Variants in PRLR observed in about 807,000 individuals in gnomAD.
PRLR encodes the protein prolactin receptor.
PRLR carries 13 observed loss-of-function variants against 40.2 expected under a neutral mutation model. The ratio of observed to expected loss-of-function variants is 0.32; its 90% CI spans 0.21 to 0.51. PRLR has a LOEUF of 0.51. Ranked by LOEUF, PRLR falls within the 20% of genes least tolerant of loss-of-function variation. The probability of loss-of-function intolerance (pLI) is 0.97; values close to 1 mark genes in which losing one functional copy is unlikely to be tolerated. For missense variants in PRLR, 656 were observed against 747.3 expected, an observed-to-expected ratio of 0.88 and a Z score of 1.42; for synonymous variants, 269 against 278.7, an observed-to-expected ratio of 0.97 and a Z score of 0.35.
rs1438068390 is a variant in PRLR, at chr5:35,057,613, A to T, written c.*7476T>A. 2 of 152,180 alleles carry T rather than the reference A, an allele frequency of 1.3e-5. No homozygotes were observed. Among genetic ancestry groups the T allele is most frequent in the Non-Finnish European group, 2.9e-5 (2 of 68,012 alleles). 9.4% of individuals were successfully genotyped at this position (152,180 alleles called of 1,614,324 possible). A position where few individuals can be genotyped will look rare whatever the true frequency, so the allele number is the denominator to read the frequency against. ...ACTATTGACAAAGATTTAACTACCC[A>T]TGTTGTCCCCTCAAAATAGGAGGAG... is the stretch of plus-strand genomic sequence containing the variant. On this transcript the variant is annotated 3_prime_UTR_variant, in exon 10 of 10. Transcript: ENST00000618457.
intron 2 of PRLR, among the ~76,000 whole-genome samples, chr5:35,094,291 T>C (rs1199870952): frequency 1.3e-5 from 2 of 151,750 alleles, no homozygotes; most frequent in Non-Finnish European, 2.9e-5. Flanking sequence ...ATTTCTTGAG[T>C]GTGTGTGTGT....
chr5:35,193,228 C>A (rs924988629), intron 1 of PRLR, among the ~76,000 whole-genome samples: 2 of 152,148 alleles, frequency 1.3e-5, no homozygotes, highest in African/African-American at 4.8e-5. Context: ...GGACAAGGAG[C>A]AAAATATATG....
chr5:35,108,537 G>A (rs1266790059), intron 2 of PRLR, among the ~76,000 whole-genome samples: 1 of 152,188 alleles, frequency 6.6e-6, no homozygotes, highest in Non-Finnish European at 1.5e-5. Flanking sequence ...CAAAATCAAT[G>A]TGCAAAAATC....
chr5:35,068,308 G>A (rs1323187160), intron 8 of PRLR, 23 bp from the exon 9 acceptor site: 3 of 1,588,756 alleles, frequency 1.9e-6, no homozygotes, highest in South Asian at 1.1e-5. Context: ...TCATGAGATT[G>A]GCTAAATGAC....
chr5:35,187,518 G>A (rs1014837550), intron 1 of PRLR, among the ~76,000 whole-genome samples: 3 of 152,102 alleles, frequency 2.0e-5, no homozygotes, highest in South Asian at 4.1e-4. Context: ...GAGTCAAGAC[G>A]CCAGAGTTCT....
At position 35,167,138 on chromosome 5, in the gene PRLR, C is replaced by CATCTATCTATCT. The variant is rs10524859; in HGVS notation, c.-105-49028_-105-49017dup. Reference sequence around the variant, plus strand: ...AAATAACATCAATCTGTTTGTCTATCATCTATCTATCTATCTATCTATCTA... The same window carrying CATCTATCTATCT: ...AAATAACATCAATCTGTTTGTCTATCATCTATCTATCTATCTATCTATCTATCTATCTATCTA... On this transcript the variant is annotated intron_variant, in intron 1 of 9. Transcript: ENST00000618457. 3.4e-3 allele frequency among the ~76,000 whole-genome samples: 499 copies of CATCTATCTATCT among 147,380 alleles called. 1 individual carries two copies. Among genetic ancestry groups the CATCTATCTATCT allele is most frequent in the East Asian group, 4.7e-3 (23 of 4,944 alleles).
At chr5:35,114,913 G>A (rs2111683560) in intron 2 of PRLR, among the ~76,000 whole-genome samples, 1 of 152,272 alleles carries the variant, frequency 6.6e-6, no homozygotes, top group South Asian at 2.1e-4. Context: ...TTGGAATTCG[G>A]TTCCTTCTAC....
At position 35,059,440 on chromosome 5, in the gene PRLR, TCTCTTAGACATAAA is replaced by T. The variant is rs1266503607; in HGVS notation, c.*5635_*5648del. 1.1e-4 allele frequency: 16 copies of T among 152,246 alleles called. No individual in the cohort carries two copies. Among genetic ancestry groups the T allele is most frequent in the Middle Eastern group, 6.8e-3 (2 of 294 alleles). The allele number at this position is 152,246 out of a possible 1,614,324, so 9.4% of individuals were successfully genotyped here. On this transcript the variant is annotated 3_prime_UTR_variant, in exon 10 of 10. Transcript: ENST00000618457. The stretch of plus-strand genomic sequence containing the variant: ...TGATAGTGTTTGTGAATTATGTACC[TCTCTTAGACATAAA>T]CTCTTAGACATAAACTCATAAAATC...
chr5:35,066,198 G>T, intron 9 of PRLR, 96 bp from the exon 10 acceptor site: 3 of 1,223,278 alleles, frequency 2.5e-6, no homozygotes, highest in South Asian at 3.1e-5. Context: ...GCCACAAGCA[G>T]GTGGGAAGAT....
At position 35,059,660 on chromosome 5, in the gene PRLR, C is replaced by G. The variant is rs937952710; in HGVS notation, c.*5429G>C. Reference sequence around the variant, plus strand: ...GCCATGAGGGTCCCAGACCAAAACTCACCATCCTGAAAAACAAAAGTCTGG... The same window carrying G: ...GCCATGAGGGTCCCAGACCAAAACTGACCATCCTGAAAAACAAAAGTCTGG... On this transcript the variant is annotated 3_prime_UTR_variant, in exon 10 of 10. Transcript: ENST00000618457. 1 of 152,174 alleles carries G rather than the reference C, an allele frequency of 6.6e-6. No homozygotes were observed. The highest frequency in any genetic ancestry group is 2.4e-5 in the African/African-American group (1 of 41,422). The allele number at this position is 152,174 out of a possible 1,614,324, so 9.4% of individuals were successfully genotyped here.
At chr5:35,218,266 T>C (rs1776334064) in intron 1 of PRLR, among the ~76,000 whole-genome samples, 1 of 152,122 alleles carries the variant, frequency 6.6e-6, no homozygotes, top group South Asian at 2.1e-4. Flanking sequence ...TAACATTTTT[T>C]TGAAAATTAA....
chr5:35,086,270 C>T lies in PRLR; in HGVS notation c.141G>A (p.Trp47Ter). Reference sequence around the variant, plus strand: ...GTCCTCCATCTGTCCCAGGCCTCCACCAGCAGGTGAATGTTTCCTTATTGG... The same window carrying T: ...GTCCTCCATCTGTCCCAGGCCTCCATCAGCAGGTGAATGTTTCCTTATTGG... ...RSPNKETFTC[W>*]WRPGTDGGLP... The change falls in exon 4 of 10, where the codon TGG (tryptophan) becomes TGA (stop). Residue 47 changes from tryptophan (W) to a stop codon, truncating the protein, a stop_gained. Coordinates refer to ENST00000618457, the MANE Select transcript of PRLR (RefSeq NM_000949.7). LOFTEE classifies it high-confidence loss of function. 6.2e-7 allele frequency: 1 copy of T among 1,614,026 alleles called. No individual in the cohort carries two copies. The highest frequency in any genetic ancestry group is 8.5e-7 in the Non-Finnish European group (1 of 1,179,954).
exon 9 of PRLR, chr5:35,049,325 C>T (rs1419594309): frequency 1.4e-6 from 1 of 703,122 alleles, no homozygotes; most frequent in African/African-American, 1.7e-5. Context: ...GTGAACACCG[C>T]AAGTCTTCCT....
chr5:35,077,007 T>C (rs974830021), intron 5 of PRLR, among the ~76,000 whole-genome samples: 5 of 152,206 alleles, frequency 3.3e-5, no homozygotes, highest in Non-Finnish European at 5.9e-5. Context: ...AGAGATTTTG[T>C]CACTACCAGG....
At chr5:35,223,006 G>A (rs979613790) in intron 1 of PRLR, among the ~76,000 whole-genome samples, 3 of 152,212 alleles carry the variant, frequency 2.0e-5, no homozygotes, top group Admixed American at 6.5e-5. Flanking sequence ...ACTTAGCTAG[G>A]ATCCACTATA....
At chr5:35,170,348 C>A (rs145543671) in intron 1 of PRLR, among the ~76,000 whole-genome samples, 242 of 152,198 alleles carry the variant, frequency 1.6e-3, no homozygotes, top group African/African-American at 5.7e-3. Flanking sequence ...AGTGGACAGT[C>A]AAGAGCAGAG....
At chr5:35,210,289 T>A (rs1776138925) in intron 1 of PRLR, among the ~76,000 whole-genome samples, 1 of 152,220 alleles carries the variant, frequency 6.6e-6, no homozygotes, top group Non-Finnish European at 1.5e-5. Context: ...AAGCTCTGTG[T>A]AGGCAGAAAC....
At chr5:35,183,809 G>A (rs534558906) in intron 1 of PRLR, among the ~76,000 whole-genome samples, 2 of 152,298 alleles carry the variant, frequency 1.3e-5, no homozygotes, top group Admixed American at 1.3e-4. Context: ...TGAAACCTCA[G>A]GGTTATAGAC....
chr5:35,162,662 G>C (rs961922098), intron 1 of PRLR, among the ~76,000 whole-genome samples: 2 of 152,162 alleles, frequency 1.3e-5, no homozygotes, highest in African/African-American at 2.4e-5. Flanking sequence ...AGCTGGTCCA[G>C]TTGTTTCATA....
Sources: gnomAD v4.1 joint callset for allele counts (sites outside exome capture counted in the v4.1 genomes callset) on GRCh38, gnomAD v4.1.1 for gene constraint, MANE v1.5 for transcripts, NCBI Gene and HGNC (gene_info 2026-07-23, HGNC 2026-07-21) for gene names.